The following DLGAP1 variants were observed in gnomAD, a reference collection of about 807,000 sequenced individuals.
DLGAP1 encodes DLG associated protein 1, also known as disks large-associated protein 1.
A neutral mutation model predicts 90.8 loss-of-function variants in DLGAP1; 11 were observed. The ratio of observed to expected loss-of-function variants is 0.12; its 90% confidence interval spans 0.08 to 0.20. DLGAP1 has a LOEUF of 0.20. DLGAP1 is among the 10% of genes least tolerant of loss of function. The probability of loss-of-function intolerance (pLI) is 1.00; values close to 1 mark genes in which losing one functional copy is unlikely to be tolerated. For synonymous variants in DLGAP1, 558 were observed against 540.7 expected, an observed-to-expected ratio of 1.03 and a Z score of -0.44; for missense variants, 1,050 against 1,333.8, an observed-to-expected ratio of 0.79 and a Z score of 3.31.
intron 7 of DLGAP1, among the ~76,000 whole-genome samples, chr18:3,694,220 T>C (rs1309268411): frequency 1.3e-5 from 2 of 152,210 alleles, no homozygotes; most frequent in Non-Finnish European, 2.9e-5. Flanking sequence ...CACGAACGCA[T>C]CCATTTTTAT....
At chr18:3,990,614 C>A in intron 3 of DLGAP1, among the ~76,000 whole-genome samples, 1 of 134,156 alleles carries the variant, frequency 7.5e-6, no homozygotes, top group Non-Finnish European at 1.5e-5. Context: ...GCACATGTAC[C>A]CTAAAACTTA....
At chr18:3,547,250 C>T (rs543606377) in intron 9 of DLGAP1, among the ~76,000 whole-genome samples, 7 of 138,120 alleles carry the variant, frequency 5.1e-5, no homozygotes, top group African/African-American at 1.7e-4. Context: ...TGCAGCAAGC[C>T]GAGATCGCGC....
At chr18:4,410,685 A>AATAT (rs33973172) in intron 1 of DLGAP1, among the ~76,000 whole-genome samples, 106 of 149,966 alleles carry the variant, frequency 7.1e-4, no homozygotes, top group African/African-American at 2.2e-3. Context: ...ATTCCCCCCA[A>AATAT]ATATATATAT....
intron 3 of DLGAP1, among the ~76,000 whole-genome samples, chr18:3,900,358 T>A (rs139173708): frequency 7.3e-4 from 111 of 152,348 alleles, no homozygotes; most frequent in African/African-American, 2.5e-3. Context: ...TCTCTCCACT[T>A]TCCAGCACAG....
chr18:4,011,033 G>T (rs866675509), intron 2 of DLGAP1, among the ~76,000 whole-genome samples: 11 of 151,934 alleles, frequency 7.2e-5, no homozygotes, highest in Middle Eastern at 3.4e-3. Flanking sequence ...AAAATTAGCC[G>T]GTCGTGGTAA....
Position 4,084,599 on chromosome 18 carries a change from A to C in DLGAP1, c.-159+66581T>G, listed in dbSNP as rs2075655294. Among the ~76,000 whole-genome samples, 1 of 152,174 alleles carries C rather than the reference A, an allele frequency of 6.6e-6. No individual in the cohort carries two copies. The highest frequency in any genetic ancestry group is 1.5e-5 in the Non-Finnish European group (1 of 68,032). On this transcript the variant is annotated intron_variant, in intron 2 of 12. Coordinates refer to ENST00000315677, the MANE Select transcript of DLGAP1 (RefSeq NM_004746.4). This position sits in a 1 kb window ranked among gnomAD's most constrained non-coding sequence, Gnocchi z 4.0. ...CTCAGGGACACAGAAGAATCTGCACAAACAGGCCTTGCTCAGTTCCCTCCA... is the reference window on the plus strand; with the variant it reads ...CTCAGGGACACAGAAGAATCTGCACCAACAGGCCTTGCTCAGTTCCCTCCA...
intron 1 of DLGAP1, among the ~76,000 whole-genome samples, chr18:4,405,126 G>A (rs1275446586): frequency 6.6e-6 from 1 of 152,186 alleles, no homozygotes; most frequent in Non-Finnish European, 1.5e-5. Context: ...ACTTCAGTCA[G>A]TGGTTGAAAA....
intron 7 of DLGAP1, chr18:3,721,485 T>G (rs1482718079): frequency 6.6e-6 from 1 of 152,226 alleles, no homozygotes; most frequent in Non-Finnish European, 1.5e-5. Context: ...TTTCATAGGC[T>G]TTTAAAAAAA....
At chr18:3,878,667 G>T (rs948277257) in intron 4 of DLGAP1, among the ~76,000 whole-genome samples, 1 of 152,044 alleles carries the variant, frequency 6.6e-6, no homozygotes, top group Admixed American at 6.5e-5. Flanking sequence ...CTTCAGGCAG[G>T]ATTTCACAAT....
chr18:3,920,571 T>C (rs2072248022), intron 3 of DLGAP1, among the ~76,000 whole-genome samples: 1 of 152,040 alleles, frequency 6.6e-6, no homozygotes, highest in Non-Finnish European at 1.5e-5. Context: ...CCTTAATTTT[T>C]CCCCAATAGC....
At chr18:3,514,213 T>C (rs527818892) in intron 10 of DLGAP1, among the ~76,000 whole-genome samples, 1 of 152,140 alleles carries the variant, frequency 6.6e-6, no homozygotes, top group Admixed American at 6.5e-5. Flanking sequence ...TTCAAGTGAT[T>C]CTCCTGCCTC....
chr18:4,286,509 A>G (rs985087181), intron 1 of DLGAP1, among the ~76,000 whole-genome samples: 5 of 151,662 alleles, frequency 3.3e-5, no homozygotes, highest in Non-Finnish European at 5.9e-5. Context: ...GACTTTTAGG[A>G]CTCCAGAATT....
chr18:4,405,087 G>C (rs1254584994), intron 1 of DLGAP1, among the ~76,000 whole-genome samples: 1 of 152,194 alleles, frequency 6.6e-6, no homozygotes, highest in Non-Finnish European at 1.5e-5. Context: ...AGTTGGAAAA[G>C]TATTCACATT....
intron 2 of DLGAP1, among the ~76,000 whole-genome samples, chr18:4,045,911 G>T (rs983580684): frequency 2.0e-5 from 3 of 151,362 alleles, no homozygotes; most frequent in African/African-American, 7.3e-5. Context: ...AAGTGCTGGG[G>T]TTATATGTGT....
intron 3 of DLGAP1, among the ~76,000 whole-genome samples, chr18:3,908,437 A>G (rs980635933): frequency 6.6e-6 from 1 of 152,180 alleles, no homozygotes; most frequent in African/African-American, 2.4e-5. Context: ...GTGATTCAAG[A>G]TCCTCATCAG....
Position 3,872,390 on chromosome 18 carries a change from T to C in DLGAP1, c.957+6722A>G, listed in dbSNP as rs908737342. On this transcript the variant is annotated intron_variant, in intron 4 of 12. Coordinates refer to ENST00000315677, the MANE Select transcript of DLGAP1 (RefSeq NM_004746.4). ...CTTTTAGTTTATAAACATAGAGGAC[T>C]GGGTTGAATATAAGTAAATCAGTCA... Among the ~76,000 whole-genome samples the C allele has an allele frequency of 3.9e-5, 6 of 152,234 alleles. 2 individuals are homozygous for C. The highest frequency in any genetic ancestry group is 1.3e-4 in the Admixed American group (2 of 15,292).
At chr18:3,760,551 C>A (rs2063919685) in intron 5 of DLGAP1, among the ~76,000 whole-genome samples, 1 of 152,072 alleles carries the variant, frequency 6.6e-6, no homozygotes, top group Admixed American at 6.5e-5. Flanking sequence ...GTATGCCAGG[C>A]AGGAGTTTTG....
intron 3 of DLGAP1, among the ~76,000 whole-genome samples, chr18:3,953,042 C>T (rs2073019845): frequency 6.6e-6 from 1 of 152,136 alleles, no homozygotes; most frequent in Non-Finnish European, 1.5e-5. Context: ...ATCGAATATG[C>T]AAAACAGAAA....
At chr18:3,846,470 C>A (rs550566738) in intron 4 of DLGAP1, among the ~76,000 whole-genome samples, 2 of 152,302 alleles carry the variant, frequency 1.3e-5, no homozygotes, top group Admixed American at 1.3e-4. Context: ...GAAATGAAAG[C>A]AAATGTCCAC....
Sources: gnomAD v4.1 joint callset for allele counts (sites outside exome capture counted in the v4.1 genomes callset) on GRCh38, gnomAD v4.1.1 for gene constraint, Gnocchi (gnomAD v3.1) non-coding constraint, MANE v1.5 for transcripts, NCBI Gene and HGNC (gene_info 2026-07-23, HGNC 2026-07-21) for gene names.